The following MYH13 variants were observed in gnomAD, a reference collection of about 807,000 sequenced individuals.
MYH13 encodes myosin-13.
Under a neutral mutation model 232.1 loss-of-function variants are expected in MYH13, and 177 were observed. The ratio of observed to expected loss-of-function variants is 0.76; its 90% CI spans 0.67 to 0.86. MYH13 has a LOEUF of 0.86. MYH13 is among the 40% of genes least tolerant of loss of function. MYH13 has a pLI of 0.00. For missense variants in MYH13, 2,246 were observed against 2,405.9 expected (o/e 0.93, Z 1.39); for synonymous variants, 884 against 923.5 (o/e 0.96, Z 0.78).
At chr17:10,357,259 G>C (rs1437547683) in intron 8 of MYH13, among the ~76,000 whole-genome samples, 1 of 152,194 alleles carries the variant, frequency 6.6e-6, no homozygotes, top group African/African-American at 2.4e-5. Context: ...ACCGCGCCCA[G>C]ACTATTTCAA....
intron 25 of MYH13, 22 bp from the exon 26 acceptor site, chr17:10,320,265 A>G: frequency 2.5e-6 from 4 of 1,594,894 alleles, no homozygotes; most frequent in Non-Finnish European, 8.5e-7. Context: ...TTAAAAAAAA[A>G]TAAAGAACAT....
rs1470138311 is a variant in MYH13, at chr17:10,327,561, T to C, written c.2691+305A>G. ...TTTTATTGATTTTTAAAAGCTGTGG[T>C]GCATATACATATGACACATATATAT... On this transcript the variant is annotated intron_variant, in intron 22 of 40. Transcript: ENST00000252172. Among the ~76,000 whole-genome samples the C allele has an allele frequency of 2.0e-5, 3 of 152,324 alleles. No homozygotes were observed. In the East Asian group the frequency reaches 5.8e-4, roughly 29 times the overall value.
At chr17:10,361,951 G>A (rs1019523593) in intron 5 of MYH13, among the ~76,000 whole-genome samples, 167 bp downstream of exon 5, 16 of 152,228 alleles carry the variant, frequency 1.1e-4, no homozygotes, top group Admixed American at 2.6e-4. Context: ...GTCATGCACT[G>A]TGACTGGCAA....
intron 29 of MYH13, among the ~76,000 whole-genome samples, chr17:10,313,787 G>A (rs1321075744): frequency 6.6e-6 from 1 of 152,192 alleles, no homozygotes; most frequent in Non-Finnish European, 1.5e-5. Context: ...AGAAGGATTG[G>A]AACAATTAAA....
intron 35 of MYH13, among the ~76,000 whole-genome samples, chr17:10,308,278 C>A (rs921284730): frequency 6.7e-6 from 1 of 149,212 alleles, no homozygotes; most frequent in African/African-American, 2.5e-5. Flanking sequence ...GAACTGAGAT[C>A]GCACCACTGC....
At position 10,304,275 on chromosome 17, in the gene MYH13, G is replaced by A. The variant is rs958657801; in HGVS notation, c.5467-777C>T. Among the ~76,000 whole-genome samples the A allele has an allele frequency of 6.6e-6, 1 of 152,182 alleles. No individual in the cohort carries two copies. Among genetic ancestry groups the A allele is most frequent in the African/African-American group, 2.4e-5 (1 of 41,450 alleles). ...AGAACTTAAAGTTAGAACAAAAAAC[G>A]ATCCCCTAATGGGATTTTGCCAAGA... On this transcript the variant is annotated intron_variant, in intron 37 of 40. Transcript: ENST00000252172. The surrounding 1 kb of genome is among the most constrained non-coding windows in gnomAD (Gnocchi z 5.3).
chr17:10,328,443 T>G (rs1382051969), intron 21 of MYH13, among the ~76,000 whole-genome samples: 1 of 152,230 alleles, frequency 6.6e-6, no homozygotes, highest in Non-Finnish European at 1.5e-5. Context: ...ATGCAAGGAA[T>G]AGCTTTCATT....
At chr17:10,311,029 T>C (rs536594949) in intron 33 of MYH13, 74 bp downstream of exon 33, 2 of 1,580,496 alleles carry the variant, frequency 1.3e-6, no homozygotes, top group South Asian at 1.2e-5. Flanking sequence ...AAAGGCCCCA[T>C]GGGGTGGTGA....
intron 21 of MYH13, among the ~76,000 whole-genome samples, chr17:10,329,835 A>G (rs1473849258): frequency 6.6e-6 from 1 of 151,904 alleles, no homozygotes; most frequent in South Asian, 2.1e-4. Context: ...AACAAAACAA[A>G]CAAACAAAAA....
chr17:10,303,564 G>GGAAGGAGGTGCA, intron 37 of MYH13, 66 bp from the exon 38 acceptor site: 1 of 1,384,150 alleles, frequency 7.2e-7, no homozygotes, highest in Non-Finnish European at 1.0e-6. Flanking sequence ...TGGACTCATG[G>GGAAGGAGGTGCA]GCCAATCATT....
intron 5 of MYH13, 83 bp from the exon 6 acceptor site, chr17:10,360,271 G>A: frequency 6.1e-6 from 9 of 1,464,748 alleles, no homozygotes; most frequent in Non-Finnish European, 8.4e-6. Context: ...GGTGGTTGGA[G>A]AACATAGGCT....
At chr17:10,346,624 T>C in intron 13 of MYH13, 56 bp downstream of exon 13, 1 of 1,397,506 alleles carries the variant, frequency 7.2e-7, no homozygotes, top group South Asian at 1.2e-5. Context: ...AGCTTTAAGA[T>C]AATGGCTCAA....
intron 24 of MYH13, among the ~76,000 whole-genome samples, chr17:10,320,697 G>A (rs1906909542): frequency 6.6e-6 from 1 of 152,214 alleles, no homozygotes. Context: ...CCCAGGGTGG[G>A]GCTGGATCCC....
At chr17:10,362,547 G>A (rs2071803035) in intron 3 of MYH13, 44 bp from the exon 4 acceptor site, 1 of 1,613,014 alleles carries the variant, frequency 6.2e-7, no homozygotes, top group Non-Finnish European at 8.5e-7. Context: ...GGTGAGCCAA[G>A]TGCCCACATT....
chr17:10,328,994 G>A (rs8067532), intron 21 of MYH13, among the ~76,000 whole-genome samples: 118,125 of 152,042 alleles, frequency 0.78, 46,306 homozygotes, highest in East Asian at 0.96. Flanking sequence ...CCTAATTTCT[G>A]CTGCTGTTTT....
At chr17:10,311,607 A>G (rs967702291) in intron 32 of MYH13, among the ~76,000 whole-genome samples, 28 of 152,234 alleles carry the variant, frequency 1.8e-4, no homozygotes, top group African/African-American at 6.3e-4. Context: ...TAAGGGATTC[A>G]GTGGCATGTG....
intron 22 of MYH13, among the ~76,000 whole-genome samples, chr17:10,325,807 G>A (rs971921794): frequency 2.6e-5 from 4 of 152,198 alleles, no homozygotes; most frequent in African/African-American, 9.7e-5. Context: ...CTCCTGAGTA[G>A]CTGGGACTAC....
intron 33 of MYH13, among the ~76,000 whole-genome samples, chr17:10,310,472 A>G (rs1218693927): frequency 3.9e-5 from 6 of 152,182 alleles, no homozygotes; most frequent in Admixed American, 3.9e-4. Context: ...CTTGCTCCCA[A>G]ATATCCCTAA....
intron 35 of MYH13, among the ~76,000 whole-genome samples, chr17:10,308,944 C>T (rs1166595932): frequency 6.6e-6 from 1 of 152,246 alleles, no homozygotes; most frequent in African/African-American, 2.4e-5. Flanking sequence ...AATAGTACTT[C>T]CAGGTGCCTT....
Sources: allele counts gnomAD v4.1 joint callset (sites outside exome capture counted in the v4.1 genomes callset), GRCh38; gene constraint gnomAD v4.1.1; non-coding constraint Gnocchi (gnomAD v3.1); transcripts MANE v1.5; gene names NCBI Gene and HGNC (gene_info 2026-07-23, HGNC 2026-07-21).